Variants in LHX1 observed in about 807,000 individuals in gnomAD.
LHX1 encodes LIM homeobox 1.
LHX1 carries 9 observed loss-of-function variants against 34.1 expected under a neutral mutation model. That is an observed-to-expected ratio of 0.26 (90% confidence interval 0.16 to 0.46). The LOEUF is 0.46. LHX1 is among the 20% of genes least tolerant of loss of function. The probability of loss-of-function intolerance (pLI) is 1.00; values close to 1 mark genes in which losing one functional copy is unlikely to be tolerated. For missense variants in LHX1, 446 were observed against 559.1 expected (o/e 0.80, Z 2.04); for synonymous variants, 254 against 241.5 (o/e 1.05, Z -0.48).
At position 36,940,668 on chromosome 17, in the gene LHX1, C is replaced by T. The variant is rs138383061; in HGVS notation, c.456C>T (p.Asp152=). 1.2e-5 allele frequency: 19 copies of T among 1,613,874 alleles called. No individual in the cohort carries two copies. Among genetic ancestry groups the T allele is most frequent in the Non-Finnish European group, 1.5e-5 (18 of 1,180,040 alleles). ...SPDSQDPSQD[D]AKDSESANVS... ...ATTCCCAAGACCCGTCGCAGGACGACGCCAAGGACTCGGAGAGCGCCAACG... is the reference window on the plus strand; with the variant it reads ...ATTCCCAAGACCCGTCGCAGGACGATGCCAAGGACTCGGAGAGCGCCAACG... The change falls in exon 3 of 5, where the codon GAC becomes GAT. Residue 152 remains aspartate (D), a synonymous_variant. Coordinates refer to ENST00000614239, the MANE Select transcript of LHX1 (RefSeq NM_005568.5).
intron 3 of LHX1, among the ~76,000 whole-genome samples, chr17:36,941,684 T>G (rs2070766087): frequency 6.6e-6 from 1 of 152,254 alleles, no homozygotes; most frequent in Non-Finnish European, 1.5e-5. Flanking sequence ...TGTGTCTGTG[T>G]CACTATTGGC....
chr17:36,940,348 C>A lies in LHX1; in HGVS notation c.229C>A (p.Arg77=), dbSNP rs181308670. Residue 77 remains arginine, a synonymous_variant, in exon 2 of 5, where the codon CGG becomes AGG. Transcript: ENST00000614239. ...GGGCATCTCCCCTAGCGACCTGGTG[C>A]GGAGAGCGCGGAGCAAAGTGTTTCA... ...AQGISPSDLV[R]RARSKVFHLN... 1 of 1,527,868 alleles carries A rather than the reference C, an allele frequency of 6.5e-7. No homozygotes were observed. The highest frequency in any genetic ancestry group is 1.4e-5 in the African/African-American group (1 of 70,938). The allele number at this position is 1,527,868 out of a possible 1,614,324, so 94.6% of individuals were successfully genotyped here. A position where few individuals can be genotyped will look rare whatever the true frequency, so the allele number is the denominator to read the frequency against.
chr17:36,939,535 C>T (rs2070750541), intron 1 of LHX1, among the ~76,000 whole-genome samples: 1 of 152,234 alleles, frequency 6.6e-6, no homozygotes. Flanking sequence ...AGCCTCTGAG[C>T]CTCCGCGGGC....
rs2070740108 is a variant in LHX1 at position 36,938,038 on chromosome 17, T to C, written c.-160T>C. The stretch of plus-strand genomic sequence containing the variant: ...CCGATCAGCCTCGTTTCCTCCACCC[T>C]ACTTTGATTTCCTGGTGCGAGTTTT... On this transcript the variant is annotated 5_prime_UTR_variant, in exon 1 of 5. Coordinates refer to ENST00000614239, the MANE Select transcript of LHX1 (RefSeq NM_005568.5). The C allele has an allele frequency of 1.4e-6, 1 of 693,466 alleles. No individual in the cohort carries two copies. The highest frequency in any genetic ancestry group is 2.5e-6 in the Non-Finnish European group (1 of 400,428). The allele number at this position is 693,466 out of a possible 1,614,324, so 43.0% of individuals were successfully genotyped here. A position where few individuals can be genotyped will look rare whatever the true frequency, so the allele number is the denominator to read the frequency against.
At chr17:36,942,709 C>A in intron 4 of LHX1, 43 bp from the exon 5 acceptor site, 1 of 1,447,044 alleles carries the variant, frequency 6.9e-7, no homozygotes. Flanking sequence ...CGCCGGCCCC[C>A]GGCCGGGCCC....
chr17:36,943,228 C>T lies in LHX1; in HGVS notation c.*97C>T. On this transcript the variant is annotated 3_prime_UTR_variant, in exon 5 of 5. Transcript: ENST00000614239. ...AAAAAACATAAAAAGCAAGTCCCCA[C>T]CCCCTTCCTCCAGCCTCGAGAACCA... 7.4e-7 allele frequency: 1 copy of T among 1,357,122 alleles called. No individual in the cohort carries two copies. Among genetic ancestry groups the T allele is most frequent in the Non-Finnish European group, 1.0e-6 (1 of 1,004,802 alleles). The allele number at this position is 1,357,122 out of a possible 1,614,324, so 84.1% of individuals were successfully genotyped here.
chr17:36,941,173 G>T (rs1165613947), intron 3 of LHX1: 6 of 690,342 alleles, frequency 8.7e-6, no homozygotes, highest in African/African-American at 1.8e-5. Flanking sequence ...ACTCTGGAGA[G>T]AGTGGGGAGC....
intron 1 of LHX1, among the ~76,000 whole-genome samples, chr17:36,939,451 G>T (rs1265598571): frequency 6.6e-6 from 1 of 152,246 alleles, no homozygotes; most frequent in Non-Finnish European, 1.5e-5. Flanking sequence ...AGGACTCGTG[G>T]CTGGGGTTGG....
chr17:36,938,701 C>T, intron 1 of LHX1: 1 of 462,450 alleles, frequency 2.2e-6, no homozygotes, highest in Non-Finnish European at 4.0e-6. Context: ...TTTCCCGGAG[C>T]CAAGCTCTGC....
At chr17:36,937,318 C>T (rs1239904636), upstream of LHX1, 6 of 403,762 alleles carry the variant, frequency 1.5e-5, no homozygotes, top group Admixed American at 2.9e-5. Flanking sequence ...ACACGGAGGC[C>T]GCCAGGCAGG....
Position 36,938,082 on chromosome 17 carries a change from T to C in LHX1, c.-116T>C, listed in dbSNP as rs1173743717. 1 of 1,011,490 alleles carries C rather than the reference T, an allele frequency of 9.9e-7. No individual in the cohort carries two copies. Among genetic ancestry groups the C allele is most frequent in the Non-Finnish European group, 1.5e-6 (1 of 652,970 alleles). 62.7% of individuals were successfully genotyped at this position (1,011,490 alleles called of 1,614,324 possible). A position where few individuals can be genotyped will look rare whatever the true frequency, so the allele number is the denominator to read the frequency against. ...GAGTTTTGGCTTGCACGGCCGAGTGTGTGTCCTCTTTTTGGAGAGACTGGG... is the reference window on the plus strand; with the variant it reads ...GAGTTTTGGCTTGCACGGCCGAGTGCGTGTCCTCTTTTTGGAGAGACTGGG... On this transcript the variant is annotated 5_prime_UTR_variant, in exon 1 of 5. Coordinates refer to ENST00000614239, the MANE Select transcript of LHX1 (RefSeq NM_005568.5).
At chr17:36,940,258 C>CCGGGG in intron 1 of LHX1, 32 bp from the exon 2 acceptor site, 3 of 528,890 alleles carry the variant, frequency 5.7e-6, no homozygotes, top group Non-Finnish European at 6.7e-6. Flanking sequence ...GACCCATCCC[C>CCGGGG]GCCCCCGCCC....
intron 3 of LHX1, chr17:36,941,278 AC>A: frequency 2.3e-6 from 1 of 439,746 alleles, no homozygotes; most frequent in South Asian, 2.0e-5. Flanking sequence ...TGCCTTCTGC[AC>A]AAAGTGAACT....
At position 36,940,456 on chromosome 17, in the gene LHX1, G is replaced by C. The variant is rs1036569777; in HGVS notation, c.337G>C (p.Val113Leu). 7.4e-6 allele frequency: 12 copies of C among 1,613,990 alleles called. No individual in the cohort carries two copies. Among genetic ancestry groups the C allele is most frequent in the Non-Finnish European group, 1.0e-5 (12 of 1,180,060 alleles). ...ELYIIDENKF[V>L]CKEDYLSNSS... ...CTACATCATCGACGAGAATAAGTTC[G>C]TCTGCAAAGAGGATTACCTAAGTAA... The change falls in exon 2 of 5, where the codon GTC becomes CTC. Residue 113 changes from valine (V) to leucine (L), a missense_variant. Coordinates refer to ENST00000614239, the MANE Select transcript of LHX1 (RefSeq NM_005568.5).
chr17:36,939,378 C>T (rs535185023), intron 1 of LHX1, among the ~76,000 whole-genome samples: 2 of 152,270 alleles, frequency 1.3e-5, no homozygotes, highest in Admixed American at 6.5e-5. Context: ...AACCAGGGAG[C>T]AGGAGGAAGA....
chr17:36,942,623 G>A, intron 4 of LHX1, 129 bp from the exon 5 acceptor site: 1 of 1,110,806 alleles, frequency 9.0e-7, no homozygotes, highest in Non-Finnish European at 1.2e-6. Context: ...GCCCGCGAGG[G>A]CTCCCCGCGA....
At chr17:36,942,424 G>C in intron 4 of LHX1, 59 bp downstream of exon 4, 1 of 1,524,490 alleles carries the variant, frequency 6.6e-7, no homozygotes, top group Non-Finnish European at 8.9e-7. Context: ...GTTGGAAGCG[G>C]GTGGCAGCGC....
Position 36,940,466 on chromosome 17 carries a change from A to G in LHX1, c.347A>G (p.Glu116Gly). Residue 116 changes from glutamate to glycine, a missense_variant, in exon 2 of 5, where the codon GAG becomes GGG. Glu to Gly is a moderately conservative substitution (Grantham distance 98). Coordinates refer to ENST00000614239, the MANE Select transcript of LHX1 (RefSeq NM_005568.5). ...GACGAGAATAAGTTCGTCTGCAAAG[A>G]GGATTACCTAAGTAACAGCAGTGTT... ...IIDENKFVCKEDYLSNSSVAK... is the reference protein window; with the variant it reads ...IIDENKFVCKGDYLSNSSVAK... 6.2e-7 allele frequency: 1 copy of G among 1,614,120 alleles called. No individual in the cohort carries two copies. Among genetic ancestry groups the G allele is most frequent in the Non-Finnish European group, 8.5e-7 (1 of 1,180,048 alleles).
intron 1 of LHX1, 135 bp downstream of exon 1, chr17:36,938,502 C>G: frequency 1.2e-6 from 1 of 851,466 alleles, no homozygotes; most frequent in Non-Finnish European, 1.9e-6. Context: ...GTCCCGCGGG[C>G]GCCCGCCTCT....
Sources: allele counts gnomAD v4.1 joint callset (sites outside exome capture counted in the v4.1 genomes callset), GRCh38; gene constraint gnomAD v4.1.1; transcripts MANE v1.5; gene names NCBI Gene and HGNC (gene_info 2026-07-23, HGNC 2026-07-21).